MINAR1: variants seen among roughly 807,000 people sequenced by gnomAD.
MINAR1 encodes the protein major intrinsically disordered Notch2-binding receptor 1.
Under a neutral mutation model 65.1 loss-of-function variants are expected in MINAR1, and 40 were observed. The ratio of observed to expected loss-of-function variants is 0.61; its 90% CI spans 0.48 to 0.80. The LOEUF is 0.80. MINAR1 is among the 30% of genes least tolerant of loss of function. The probability of loss-of-function intolerance (pLI) is 0.00; values close to 1 mark genes in which losing one functional copy is unlikely to be tolerated. For synonymous variants in MINAR1, 482 were observed against 449.1 expected (o/e 1.07, Z -0.93); for missense variants, 1,128 against 1,148.0 (o/e 0.98, Z 0.25).
At chr15:79,431,920 G>T (rs968005030), upstream of MINAR1, among the ~76,000 whole-genome samples, 5 of 152,200 alleles carry the variant, frequency 3.3e-5, no homozygotes, top group Admixed American at 2.0e-4. Context: ...GCAGCCTCTG[G>T]CAGGGCACCC....
chr15:79,463,418 T>A, intron 3 of MINAR1, 97 bp downstream of exon 3: 1 of 1,428,102 alleles, frequency 7.0e-7, no homozygotes. Context: ...CCAGCCCACT[T>A]CCACACCCTT....
In MINAR1 at chr15:79,458,104, G is replaced by A. The variant is rs767238171; in HGVS notation, c.1957G>A (p.Gly653Ser). ...QIDLNSLTSE[G>S]PSDDSASPRM... Reference sequence around the variant, plus strand: ...AGATCTGAACTCCTTGACAAGCGAGGGTCCGTCTGATGACAGTGCCTCTCC... The same window carrying A: ...AGATCTGAACTCCTTGACAAGCGAGAGTCCGTCTGATGACAGTGCCTCTCC... Residue 653 changes from glycine (G) to serine (S), a missense_variant, in exon 2 of 4, where the codon GGT becomes AGT. Gly to Ser is a moderately conservative substitution (Grantham distance 56). Coordinates refer to ENST00000305428, the MANE Select transcript of MINAR1 (RefSeq NM_015206.3). The A allele has an allele frequency of 1.5e-5, 24 of 1,614,120 alleles. 1 individual carries two copies. The highest frequency in any genetic ancestry group is 1.5e-4 in the African/African-American group (11 of 75,018).
At chr15:79,446,036 CTTT>C (rs1329563491) in intron 1 of MINAR1, among the ~76,000 whole-genome samples, 1 of 152,014 alleles carries the variant, frequency 6.6e-6, no homozygotes, top group Non-Finnish European at 1.5e-5. Context: ...TACTTTGCTT[CTTT>C]ATTTCTCTTA....
At chr15:79,450,552 T>C (rs1595940727) in intron 1 of MINAR1, among the ~76,000 whole-genome samples, 1 of 149,496 alleles carries the variant, frequency 6.7e-6, no homozygotes, top group African/African-American at 2.5e-5. Context: ...AAAAAAAAGC[T>C]GAATAATGAA....
intron 1 of MINAR1, among the ~76,000 whole-genome samples, chr15:79,442,998 G>A (rs1894915194): frequency 6.6e-6 from 1 of 152,110 alleles, no homozygotes; most frequent in Non-Finnish European, 1.5e-5. Context: ...TGGTGAGAGA[G>A]GATTTCCACT....
At position 79,456,504 on chromosome 15, in the gene MINAR1, T is replaced by C. The variant is rs1567057404; in HGVS notation, c.357T>C (p.Phe119=). The C allele has an allele frequency of 6.2e-7, 1 of 1,614,010 alleles. No individual in the cohort carries two copies. The part of the protein sequence containing the change: ...RQKVRKKEAS[F]ESCRSDTEIC... The stretch of plus-strand genomic sequence containing the variant: ...AGGTACGCAAGAAGGAGGCATCCTT[T>C]GAATCATGTAGGTCGGACACAGAGA... The change falls in exon 2 of 4, where the codon TTT becomes TTC. Residue 119 remains phenylalanine, a synonymous_variant. Transcript: ENST00000305428.
At chr15:79,455,954 T>C (rs901860113) in intron 1 of MINAR1, 144 bp from the exon 2 acceptor site, 21 of 562,682 alleles carry the variant, frequency 3.7e-5, no homozygotes, top group Non-Finnish European at 5.8e-5. Flanking sequence ...GTTATGAATA[T>C]TTTTACTGTC....
rs1450128329 is a variant in MINAR1, at chr15:79,463,361, GTGCCCTGGCAAA to G, written c.2553+49_2553+60del. The G allele has an allele frequency of 2.5e-6, 4 of 1,601,080 alleles. No individual in the cohort carries two copies. The South Asian group carries it at 4.5e-5, about 18-fold the overall frequency. On this transcript the variant is annotated intron_variant, in intron 3 of 3. Transcript: ENST00000305428. ...GTCCCTGGGTGGGGGAAGCCCAGCT[GTGCCCTGGCAAA>G]TGCCCTGGAATGGATCACGGACGGC... is the stretch of plus-strand genomic sequence containing the variant.
At chr15:79,458,808 C>T (rs540212072) in intron 2 of MINAR1, among the ~76,000 whole-genome samples, 14 of 152,236 alleles carry the variant, frequency 9.2e-5, no homozygotes, top group African/African-American at 3.1e-4. Context: ...AGGATGCAGG[C>T]CAGGTACACG....
intron 3 of MINAR1, 34 bp from the exon 4 acceptor site, chr15:79,468,153 C>T (rs767227443): frequency 5.6e-5 from 88 of 1,560,454 alleles, no homozygotes; most frequent in Non-Finnish European, 7.3e-5. Flanking sequence ...TTCAAGTATT[C>T]ACTGTATTTC....
At chr15:79,461,821 G>A (rs952467979) in intron 2 of MINAR1, among the ~76,000 whole-genome samples, 6 of 151,832 alleles carry the variant, frequency 4.0e-5, no homozygotes, top group Admixed American at 6.6e-5. Flanking sequence ...TCTGATCCAC[G>A]TACACACATA....
At chr15:79,441,911 T>C (rs1894880510) in intron 1 of MINAR1, among the ~76,000 whole-genome samples, 1 of 152,164 alleles carries the variant, frequency 6.6e-6, no homozygotes, top group Admixed American at 6.5e-5. Flanking sequence ...TTTATGATGT[T>C]GCACATTTTT....
chr15:79,463,179 C>G lies in MINAR1; in HGVS notation c.2411C>G (p.Ala804Gly). 2 of 1,614,244 alleles carry G rather than the reference C, an allele frequency of 1.2e-6. No individual in the cohort carries two copies. The highest frequency in any genetic ancestry group is 1.7e-6 in the Non-Finnish European group (2 of 1,180,048). The part of the protein sequence containing the change: ...SPHPYPASLK[A>G]HMKSNPLYTD... Reference sequence around the variant, plus strand: ...CACCCCTACCCTGCCTCCCTCAAGGCCCACATGAAGAGCAACCCCCTGTAC... The same window carrying G: ...CACCCCTACCCTGCCTCCCTCAAGGGCCACATGAAGAGCAACCCCCTGTAC... Residue 804 changes from alanine to glycine, a missense_variant, in exon 3 of 4, where the codon GCC becomes GGC. By Grantham distance (60) the Ala-to-Gly change is moderately conservative. Transcript: ENST00000305428.
Position 79,457,309 on chromosome 15 carries a change from C to A in MINAR1, c.1162C>A (p.Pro388Thr), listed in dbSNP as rs371598881. 22 of 1,614,068 alleles carry A rather than the reference C, an allele frequency of 1.4e-5. No homozygotes were observed. Among genetic ancestry groups the A allele is most frequent in the Non-Finnish European group, 1.8e-5 (21 of 1,180,058 alleles). Residue 388 changes from proline to threonine, a missense_variant, in exon 2 of 4, where the codon CCC (proline) becomes ACC (threonine). By Grantham distance (38) the Pro-to-Thr change is conservative. Coordinates refer to ENST00000305428, the MANE Select transcript of MINAR1 (RefSeq NM_015206.3). ...DFERSFFNRN[P>T]SEEKLHYPNA... ...TGAACGGTCCTTTTTCAATAGAAATCCCTCCGAGGAGAAGCTACACTATCC... is the reference window on the plus strand; with the variant it reads ...TGAACGGTCCTTTTTCAATAGAAATACCTCCGAGGAGAAGCTACACTATCC...
At chr15:79,464,004 T>C (rs1162460308) in intron 3 of MINAR1, among the ~76,000 whole-genome samples, 1 of 152,318 alleles carries the variant, frequency 6.6e-6, no homozygotes, top group East Asian at 1.9e-4. Flanking sequence ...GAGTGCCCGT[T>C]CCGTCCAGGC....
upstream of MINAR1, among the ~76,000 whole-genome samples, chr15:79,431,582 G>T (rs1172695541): frequency 6.6e-6 from 1 of 152,080 alleles, no homozygotes; most frequent in Non-Finnish European, 1.5e-5. Context: ...CAATTAAGCC[G>T]ACACCAGCCA....
At chr15:79,412,079 GC>G in the MINAR1 span, 1 of 139,936 alleles carries the variant, frequency 7.1e-6, no homozygotes. Flanking sequence ...CACCATGTTT[GC>G]CAGTGCAGTA....
At chr15:79,441,441 C>T (rs184043784) in intron 1 of MINAR1, among the ~76,000 whole-genome samples, 4 of 152,220 alleles carry the variant, frequency 2.6e-5, no homozygotes, top group South Asian at 2.1e-4. Context: ...TTCTATCATA[C>T]GGATGCACTG....
chr15:79,420,127 C>G, the MINAR1 span: 1 of 152,088 alleles, frequency 6.6e-6, no homozygotes, highest in Admixed American at 6.5e-5. Context: ...TCAAATTTGT[C>G]TCAGTAACAC....
Sources: allele counts gnomAD v4.1 joint callset (sites outside exome capture counted in the v4.1 genomes callset), GRCh38; gene constraint gnomAD v4.1.1; transcripts MANE v1.5; gene names NCBI Gene and HGNC (gene_info 2026-07-23, HGNC 2026-07-21).